The following IL1RAP variants were observed in gnomAD, a reference collection of about 807,000 sequenced individuals.
IL1RAP encodes the protein interleukin 1 receptor accessory protein.
A neutral mutation model predicts 60.7 loss-of-function variants in IL1RAP; 35 were observed. That is an observed-to-expected ratio of 0.58 (90% CI 0.44 to 0.76). IL1RAP has a LOEUF of 0.76. Ranked by LOEUF, IL1RAP falls within the 30% of genes least tolerant of loss-of-function variation. The probability of loss-of-function intolerance (pLI) is 0.00; values close to 1 mark genes in which losing one functional copy is unlikely to be tolerated. For missense variants in IL1RAP, 572 were observed against 693.9 expected, an observed-to-expected ratio of 0.82 and a Z score of 1.97; for synonymous variants, 268 against 250.9, an observed-to-expected ratio of 1.07 and a Z score of -0.64.
At chr3:190,654,454 C>T (rs115672592), downstream of IL1RAP, among the ~76,000 whole-genome samples, 1,645 of 151,796 alleles carry the variant, frequency 0.011, 31 homozygotes, top group African/African-American at 0.038. Flanking sequence ...TAATGATAAA[C>T]GAGAATTTAA....
At chr3:190,557,272 T>C (rs1725505569) in intron 2 of IL1RAP, among the ~76,000 whole-genome samples, 1 of 152,208 alleles carries the variant, frequency 6.6e-6, no homozygotes, top group Non-Finnish European at 1.5e-5. Context: ...AACCCAGTTC[T>C]AGTTCTCCCT....
At position 190,648,674 on chromosome 3, in the gene IL1RAP, G is replaced by T; in HGVS notation, c.1682G>T (p.Gly561Val). 1.2e-6 allele frequency: 2 copies of T among 1,613,290 alleles called. No homozygotes were observed. Among genetic ancestry groups the T allele is most frequent in the Non-Finnish European group, 8.5e-7 (1 of 1,179,748 alleles). Residue 561 changes from glycine (G) to valine (V), a missense_variant, in exon 12 of 12, where the codon GGC (glycine) becomes GTC (valine). By Grantham distance (109) the Gly-to-Val change is moderately radical (BLOSUM62 -3). Coordinates refer to ENST00000447382, the MANE Select transcript of IL1RAP (RefSeq NM_002182.4). ...SPRRSSSDEQ[G>V]LSYSSLKNV is the part of the protein sequence containing the mutation. ...AGGCGGTCTAGCAGTGATGAGCAGGGCCTCTCGTATTCATCTTTGAAAAAT... is the reference window on the plus strand; with the variant it reads ...AGGCGGTCTAGCAGTGATGAGCAGGTCCTCTCGTATTCATCTTTGAAAAAT...
At chr3:190,599,927 G>A (rs903255359) in intron 3 of IL1RAP, among the ~76,000 whole-genome samples, 3 of 151,770 alleles carry the variant, frequency 2.0e-5, no homozygotes, top group African/African-American at 7.3e-5. Flanking sequence ...ATTTGTTCCT[G>A]CTTCATGGAT....
chr3:190,520,544 A>G (rs576539876), intron 1 of IL1RAP: 1 of 152,310 alleles, frequency 6.6e-6, no homozygotes, highest in African/African-American at 2.4e-5. Context: ...GTTTGCATAT[A>G]TTGACAGCAA....
chr3:190,614,962 GATTACAGGAA>G (rs1731139391), intron 5 of IL1RAP, among the ~76,000 whole-genome samples: 1 of 152,086 alleles, frequency 6.6e-6, no homozygotes, highest in Admixed American at 6.5e-5. Flanking sequence ...GACAAACTGA[GATTACAGGAA>G]ACAGAAAACC....
At chr3:190,572,545 C>T (rs1035137890) in intron 3 of IL1RAP, among the ~76,000 whole-genome samples, 2 of 152,138 alleles carry the variant, frequency 1.3e-5, no homozygotes, top group Non-Finnish European at 1.5e-5. Flanking sequence ...TATTCCTACA[C>T]GGGTTTCCTG....
At position 190,634,722 on chromosome 3, in the gene IL1RAP, G is replaced by GT. The variant is rs1275475649; in HGVS notation, c.1051+5226dup. On this transcript the variant is annotated intron_variant, in intron 9 of 11. Transcript: ENST00000447382. ...GGCCTGTTGTGTTTTTTTTTTTGTT[G>GT]TTGTTTTTTTTGAGAAGGAGTCTCG... Among the ~76,000 whole-genome samples the GT allele has an allele frequency of 6.0e-3, 769 of 128,236 alleles. 21 individuals are homozygous for GT. Among genetic ancestry groups the GT allele is most frequent in the African/African-American group, 0.021 (602 of 28,718 alleles). The allele number at this position is 128,236 out of a possible 152,430, so 84.1% of individuals were successfully genotyped here.
At chr3:190,515,232 C>CTTT in intron 1 of IL1RAP, among the ~76,000 whole-genome samples, 1 of 119,136 alleles carries the variant, frequency 8.4e-6, no homozygotes. Context: ...TTTCTTTCTT[C>CTTT]CTTTTTTTTT....
At chr3:190,655,903 G>A (rs1398346596), downstream of IL1RAP, 2 of 1,537,232 alleles carry the variant, frequency 1.3e-6, no homozygotes, top group Non-Finnish European at 1.7e-6. Context: ...AGTGGAAGCA[G>A]TTTTTGATTT....
chr3:190,533,386 C>A (rs1324084746), intron 1 of IL1RAP, among the ~76,000 whole-genome samples: 2 of 152,140 alleles, frequency 1.3e-5, no homozygotes, highest in Admixed American at 6.5e-5. Context: ...CATTTAAAGG[C>A]CTTTCCGGCC....
intron 3 of IL1RAP, among the ~76,000 whole-genome samples, chr3:190,569,175 G>T (rs1035960288): frequency 6.6e-6 from 1 of 152,242 alleles, no homozygotes; most frequent in African/African-American, 2.4e-5. Context: ...CAGGTAAAGA[G>T]AATGTCCACA....
rs548812806 is a variant in IL1RAP, at chr3:190,554,129, C to T, written c.-88-2001C>T. Reference sequence around the variant, plus strand: ...GAGATTTCTTGTTTTGCATCTCACTCACCCTTTCTCAAACCCCATGTTCTG... The same window carrying T: ...GAGATTTCTTGTTTTGCATCTCACTTACCCTTTCTCAAACCCCATGTTCTG... On this transcript the variant is annotated intron_variant, in intron 1 of 11. Transcript: ENST00000447382. Among the ~76,000 whole-genome samples the T allele has an allele frequency of 2.0e-5, 3 of 151,100 alleles. No individual in the cohort carries two copies. The South Asian group carries it at 6.3e-4, about 32-fold the overall frequency.
intron 3 of IL1RAP, among the ~76,000 whole-genome samples, chr3:190,572,007 C>T (rs887268624): frequency 1.3e-5 from 2 of 151,834 alleles, no homozygotes; most frequent in African/African-American, 4.8e-5. Flanking sequence ...GGATACCAAC[C>T]ATTATTAATT....
intron 4 of IL1RAP, among the ~76,000 whole-genome samples, chr3:190,605,829 A>T (rs753849700): frequency 1.3e-5 from 2 of 152,126 alleles, no homozygotes; most frequent in Non-Finnish European, 2.9e-5. Context: ...TATGTCTTTA[A>T]ATGTTCTGTT....
chr3:190,595,017 C>T (rs1016951368), intron 3 of IL1RAP, among the ~76,000 whole-genome samples: 6 of 152,160 alleles, frequency 3.9e-5, no homozygotes, highest in Admixed American at 1.3e-4. Flanking sequence ...TCTCCCTTCT[C>T]TCTCCCTCCT....
At chr3:190,580,141 G>A (rs955170132) in intron 3 of IL1RAP, among the ~76,000 whole-genome samples, 5 of 152,168 alleles carry the variant, frequency 3.3e-5, no homozygotes, top group Admixed American at 2.0e-4. Flanking sequence ...ACATTTTGAA[G>A]AACTGCCAAC....
At position 190,625,667 on chromosome 3, in the gene IL1RAP, G is replaced by C. The variant is rs150875086; in HGVS notation, c.776-1656G>C. On this transcript the variant is annotated intron_variant, in intron 7 of 11. Coordinates refer to ENST00000447382, the MANE Select transcript of IL1RAP (RefSeq NM_002182.4). ...TGATTTTGCTCTAAAAAAGATAATA[G>C]TGATCAACATAGATGGAGAACAATG... Among the ~76,000 whole-genome samples the C allele has an allele frequency of 8.0e-4, 121 of 152,150 alleles. 1 individual carries two copies. The East Asian group carries it at 0.015, about 19-fold the overall frequency.
At chr3:190,556,397 T>TAC (rs770641090) in intron 2 of IL1RAP, among the ~76,000 whole-genome samples, 181 bp downstream of exon 2, 16 of 151,334 alleles carry the variant, frequency 1.1e-4, no homozygotes, top group Admixed American at 4.0e-4. Flanking sequence ...TATGTATGTA[T>TAC]ACACACACAC....
downstream of IL1RAP, among the ~76,000 whole-genome samples, chr3:190,655,077 TAAC>T (rs1734570038): frequency 6.6e-6 from 1 of 152,178 alleles, no homozygotes; most frequent in South Asian, 2.1e-4. Flanking sequence ...ATTTAATTGA[TAAC>T]AAGATAAATA....
Sources: allele counts gnomAD v4.1 joint callset (sites outside exome capture counted in the v4.1 genomes callset), GRCh38; gene constraint gnomAD v4.1.1; transcripts MANE v1.5; gene names NCBI Gene and HGNC (gene_info 2026-07-23, HGNC 2026-07-21).